Variants in ERCC6L2 observed in about 807,000 individuals in gnomAD.
ERCC6L2 encodes ERCC excision repair 6 like 2, also known as DNA excision repair protein ERCC-6-like 2.
A neutral mutation model predicts 132.0 loss-of-function variants in ERCC6L2; 77 were observed. That is an observed-to-expected ratio of 0.58 (90% CI 0.49 to 0.71). The LOEUF is 0.71. Ranked by LOEUF, ERCC6L2 falls within the 30% of genes least tolerant of loss-of-function variation. The pLI, the probability that ERCC6L2 is intolerant of heterozygous loss-of-function variation, is 0.00. For synonymous variants in ERCC6L2, 583 were observed against 632.4 expected (o/e 0.92, Z 1.17); for missense variants, 1,542 against 1,837.6 (o/e 0.84, Z 2.94).
chr9:96,034,927 G>A (rs1834502363), intron 19 of ERCC6L2, among the ~76,000 whole-genome samples: 1 of 152,148 alleles, frequency 6.6e-6, no homozygotes, highest in African/African-American at 2.4e-5. Flanking sequence ...GAGCAGGCAG[G>A]AGCCCTGCCC....
chr9:95,885,524 T>C (rs1223204783), intron 2 of ERCC6L2, among the ~76,000 whole-genome samples: 1 of 152,228 alleles, frequency 6.6e-6, no homozygotes, highest in Non-Finnish European at 1.5e-5. Flanking sequence ...TCTCCCAATA[T>C]TTCACAGAAT....
intron 2 of ERCC6L2, among the ~76,000 whole-genome samples, chr9:95,892,750 A>G (rs964476345): frequency 1.3e-5 from 2 of 152,150 alleles, no homozygotes; most frequent in Non-Finnish European, 2.9e-5. Context: ...TTAATCTGCT[A>G]GTTTTACCTT....
intron 19 of ERCC6L2, among the ~76,000 whole-genome samples, chr9:96,033,755 A>G (rs1229828805): frequency 6.6e-6 from 1 of 152,192 alleles, no homozygotes; most frequent in African/African-American, 2.4e-5. Flanking sequence ...TGCAGTTGTC[A>G]TCTGGCAGAT....
intron 18 of ERCC6L2, 72 bp downstream of exon 18, chr9:96,004,773 G>A (rs1448081479): frequency 1.0e-6 from 1 of 963,998 alleles, no homozygotes; most frequent in Non-Finnish European, 1.4e-6. Flanking sequence ...AGTAAAATAT[G>A]TAAATACTTG....
intron 13 of ERCC6L2, among the ~76,000 whole-genome samples, chr9:95,956,587 G>A (rs1831613440): frequency 6.6e-6 from 1 of 152,170 alleles, no homozygotes; most frequent in Admixed American, 6.5e-5. Flanking sequence ...CATGGCGGGG[G>A]AGGCCTCAGG....
In ERCC6L2 at chr9:95,878,182, GTT is replaced by G; in HGVS notation, c.46+2101_46+2102del. 2.0e-5 allele frequency among the ~76,000 whole-genome samples: 3 copies of G among 152,246 alleles called. No individual in the cohort carries two copies. In the South Asian group the frequency reaches 6.2e-4, roughly 32 times the overall value. Reference sequence around the variant, plus strand: ...TCTGACACTTTTTTTTGTAAATAAAGTTTTATTGGAACACAACTGTGCCCATT... The same window carrying G: ...TCTGACACTTTTTTTTGTAAATAAAGTTATTGGAACACAACTGTGCCCATT... On this transcript the variant is annotated intron_variant, in intron 1 of 18. Transcript: ENST00000653738.
At chr9:95,942,532 GA>G (rs1031593210) in intron 12 of ERCC6L2, among the ~76,000 whole-genome samples, 11 of 151,678 alleles carry the variant, frequency 7.3e-5, no homozygotes, top group African/African-American at 2.4e-4. Flanking sequence ...GAAGGATATG[GA>G]AAAAAATGAA....
At position 95,980,119 on chromosome 9, in the gene ERCC6L2, C is replaced by T. The variant is rs532022186; in HGVS notation, c.3492+1904C>T. Among the ~76,000 whole-genome samples, 7 of 152,194 alleles carry T rather than the reference C, an allele frequency of 4.6e-5. No homozygotes were observed. In the South Asian group the frequency reaches 1.0e-3, roughly 22 times the overall value. ...TGTTTCTTAAGCAAAGTTATAAAAA[C>T]GAAAATGCTGGAAACACAGTTGGCC... On this transcript the variant is annotated intron_variant, in intron 17 of 18. Coordinates refer to ENST00000653738, the MANE Select transcript of ERCC6L2 (RefSeq NM_020207.7).
chr9:95,930,184 A>AT (rs1263056807), intron 11 of ERCC6L2, among the ~76,000 whole-genome samples: 1 of 150,368 alleles, frequency 6.7e-6, no homozygotes, highest in Admixed American at 6.6e-5. Context: ...CTTCAATGGG[A>AT]TTTTTTTCCT....
chr9:96,006,352 C>T (rs906280314), intron 18 of ERCC6L2, among the ~76,000 whole-genome samples: 10 of 152,162 alleles, frequency 6.6e-5, no homozygotes, highest in African/African-American at 1.7e-4. Context: ...CTGCTGAGAA[C>T]CAGAAGCAGA....
At chr9:95,983,087 A>G (rs540784288) in intron 17 of ERCC6L2, among the ~76,000 whole-genome samples, 2 of 152,300 alleles carry the variant, frequency 1.3e-5, no homozygotes, top group African/African-American at 4.8e-5. Flanking sequence ...TTGCTTACCA[A>G]TAGGGGTGAT....
intron 6 of ERCC6L2, among the ~76,000 whole-genome samples, chr9:95,917,842 C>T (rs1829671957): frequency 6.6e-6 from 1 of 152,120 alleles, no homozygotes; most frequent in African/African-American, 2.4e-5. Context: ...TAGTGCCTGC[C>T]TCACATGGTT....
At chr9:95,942,732 G>T (rs747191612) in intron 12 of ERCC6L2, among the ~76,000 whole-genome samples, 1 of 152,126 alleles carries the variant, frequency 6.6e-6, no homozygotes, top group East Asian at 1.9e-4. Flanking sequence ...ACTGGAGGAC[G>T]GGAGATAATT....
At position 96,034,003 on chromosome 9, in the gene ERCC6L2, C is replaced by T. The variant is rs114255539; in HGVS notation, c.*1504-4873C>T. Among the ~76,000 whole-genome samples, 618 of 152,300 alleles carry T rather than the reference C, an allele frequency of 4.1e-3. 4 individuals are homozygous for T. Among genetic ancestry groups the T allele is most frequent in the African/African-American group, 0.014 (563 of 41,562 alleles). On this transcript the variant is annotated intron_variant and NMD_transcript_variant, in intron 19 of 20. Transcript: ENST00000670016. ...ATGTGAGTGAGCAGCCAAGGTGCTC[C>T]GGGTGGCTGCCAGCTCTGAGCCCCG...
chr9:95,911,594 A>G (rs1829343114), intron 4 of ERCC6L2, among the ~76,000 whole-genome samples: 1 of 151,988 alleles, frequency 6.6e-6, no homozygotes, highest in African/African-American at 2.4e-5. Flanking sequence ...TGTGTTTGGC[A>G]AATATTTAAA....
chr9:96,026,792 CCCACACACATA>C (rs1027647233), intron 19 of ERCC6L2, among the ~76,000 whole-genome samples: 2 of 134,024 alleles, frequency 1.5e-5, no homozygotes, highest in African/African-American at 2.9e-5. Context: ...CCACACACAC[CCCACACACATA>C]CCACAACACA....
intron 2 of ERCC6L2, among the ~76,000 whole-genome samples, chr9:95,893,727 T>C (rs1001043732): frequency 2.0e-5 from 3 of 152,214 alleles, no homozygotes. Flanking sequence ...GGCAAAGCAT[T>C]ATTATGGCTT....
In ERCC6L2 at chr9:96,004,632, A is replaced by G. The variant is rs1444992714; in HGVS notation, c.3605A>G (p.Lys1202Arg). 7.5e-7 allele frequency: 1 copy of G among 1,329,914 alleles called. No individual in the cohort carries two copies. Among genetic ancestry groups the G allele is most frequent in the Admixed American group, 2.1e-5 (1 of 46,844 alleles). The allele number at this position is 1,329,914 out of a possible 1,614,324, so 82.4% of individuals were successfully genotyped here. Residue 1202 changes from lysine (K) to arginine (R), a missense_variant, in exon 18 of 19, where the codon AAG becomes AGG. Lys to Arg is a conservative substitution (Grantham distance 26). Transcript: ENST00000653738. ...TACATTTCAAATCCTGTAAACCAGA[A>G]GAAGAAAAAAGTCTACCATACAAAC... ...PLYISNPVNQ[K>R]KKKVYHTNQT... is the part of the protein sequence containing the mutation.
At chr9:96,009,600 C>T (rs1279307591) in intron 18 of ERCC6L2, among the ~76,000 whole-genome samples, 1 of 152,138 alleles carries the variant, frequency 6.6e-6, no homozygotes, top group East Asian at 1.9e-4. Flanking sequence ...TCCCCCTTTC[C>T]CTAAGTGGGT....
Sources: allele counts gnomAD v4.1 joint callset (sites outside exome capture counted in the v4.1 genomes callset), GRCh38; gene constraint gnomAD v4.1.1; transcripts MANE v1.5; gene names NCBI Gene and HGNC (gene_info 2026-07-23, HGNC 2026-07-21).